FABP12: variants seen among roughly 807,000 people sequenced by gnomAD.
The protein encoded by FABP12 is fatty acid-binding protein 12.
FABP12 carries 19 observed loss-of-function variants against 13.7 expected under a neutral mutation model. The ratio of observed to expected loss-of-function variants is 1.39; its 90% CI spans 0.97 to 2.04. The LOEUF is 2.04. Ranked by LOEUF, FABP12 falls within the 30% of genes most tolerant of loss-of-function variation. The probability of loss-of-function intolerance (pLI) is 0.00; values close to 1 mark genes in which losing one functional copy is unlikely to be tolerated. For synonymous variants in FABP12, 61 were observed against 57.0 expected (o/e 1.07, Z -0.32); for missense variants, 182 against 164.2 (o/e 1.11, Z -0.59).
chr8:81,575,788 C>A (rs1480240964), intron 1 of FABP12, among the ~76,000 whole-genome samples: 1 of 152,102 alleles, frequency 6.6e-6, no homozygotes, highest in Admixed American at 6.6e-5. Flanking sequence ...CCTGTCAGAT[C>A]AGTGGCAGCA....
At chr8:81,534,109 A>ACTCT, upstream of FABP12, among the ~76,000 whole-genome samples, 1 of 151,798 alleles carries the variant, frequency 6.6e-6, no homozygotes, top group South Asian at 2.1e-4. Context: ...ACATACACAC[A>ACTCT]CTCTCTCTCT....
At chr8:81,571,555 G>A (rs922322930) in intron 1 of FABP12, among the ~76,000 whole-genome samples, 1 of 152,206 alleles carries the variant, frequency 6.6e-6, no homozygotes, top group Admixed American at 6.5e-5. Flanking sequence ...TTCAAATACC[G>A]TAACTTATTT....
Position 81,547,768 on chromosome 8 carries a change from A to G in FABP12, c.-184-8025T>C, listed in dbSNP as rs181268852. Among the ~76,000 whole-genome samples the G allele has an allele frequency of 2.6e-4, 40 of 152,350 alleles. No homozygotes were observed. The East Asian group carries it at 7.5e-3, about 29-fold the overall frequency. On this transcript the variant is annotated intron_variant, in intron 1 of 5. Coordinates refer to the FABP12 transcript ENST00000692030. Reference sequence around the variant, plus strand: ...TGCCAGTGTCAGAAATAGGATGAGAACACCAACTTTTGAAGGAAAGGGAGT... The same window carrying G: ...TGCCAGTGTCAGAAATAGGATGAGAGCACCAACTTTTGAAGGAAAGGGAGT...
intron 1 of FABP12, among the ~76,000 whole-genome samples, chr8:81,572,052 A>G (rs1296960303): frequency 6.6e-6 from 1 of 152,044 alleles, no homozygotes; most frequent in Non-Finnish European, 1.5e-5. Flanking sequence ...TGGTGCACCC[A>G]TCCCCCGAGC....
At chr8:81,560,145 TC>T (rs1809698068) in intron 1 of FABP12, among the ~76,000 whole-genome samples, 1 of 152,178 alleles carries the variant, frequency 6.6e-6, no homozygotes, top group South Asian at 2.1e-4. Flanking sequence ...TGCAATGGTC[TC>T]CAGGTACAAT....
intron 1 of FABP12, among the ~76,000 whole-genome samples, chr8:81,550,600 T>C (rs552278927): frequency 2.0e-3 from 309 of 152,274 alleles, no homozygotes; most frequent in Non-Finnish European, 3.3e-3. Context: ...AACACAGTCT[T>C]TCCACTCCTA....
intron 1 of FABP12, among the ~76,000 whole-genome samples, chr8:81,548,246 T>G (rs550153608): frequency 3.6e-4 from 55 of 152,336 alleles, no homozygotes; most frequent in African/African-American, 1.1e-3. Flanking sequence ...GATTCTAAAG[T>G]GAATCCAGGG....
chr8:81,532,492 C>A (rs934692403), intron 1 of FABP12, among the ~76,000 whole-genome samples: 1 of 152,168 alleles, frequency 6.6e-6, no homozygotes, highest in Non-Finnish European at 1.5e-5. Context: ...ATTTTGCATA[C>A]ACTACTGATT....
At chr8:81,550,789 A>G (rs1043114326) in intron 1 of FABP12, among the ~76,000 whole-genome samples, 18 of 152,312 alleles carry the variant, frequency 1.2e-4, no homozygotes, top group Middle Eastern at 3.4e-3. Flanking sequence ...CTACTCACAG[A>G]AAATTATAAA....
At chr8:81,550,117 AT>A (rs1809500677) in intron 1 of FABP12, among the ~76,000 whole-genome samples, 1 of 152,136 alleles carries the variant, frequency 6.6e-6, no homozygotes, top group South Asian at 2.1e-4. Flanking sequence ...ATGCTACTCC[AT>A]TCATTCATAT....
intron 1 of FABP12, among the ~76,000 whole-genome samples, chr8:81,540,521 G>A (rs943000178): frequency 6.6e-6 from 1 of 152,140 alleles, no homozygotes; most frequent in African/African-American, 2.4e-5. Flanking sequence ...GATATATGAA[G>A]ACAAAATTGA....
At chr8:81,526,389 A>G (rs1386266838) in intron 4 of FABP12, 1 of 152,172 alleles carries the variant, frequency 6.6e-6, no homozygotes, top group Non-Finnish European at 1.5e-5. Flanking sequence ...TAAAATATAG[A>G]GTGTTCAATG....
chr8:81,527,974 A>G (rs759977155), intron 3 of FABP12, among the ~76,000 whole-genome samples: 5 of 152,092 alleles, frequency 3.3e-5, no homozygotes, highest in Non-Finnish European at 7.3e-5. Flanking sequence ...TAATAATAAT[A>G]ATAATACATG....
chr8:81,555,801 T>A (rs534001450), intron 1 of FABP12, among the ~76,000 whole-genome samples: 1 of 152,180 alleles, frequency 6.6e-6, no homozygotes, highest in Non-Finnish European at 1.5e-5. Context: ...ATTAAAAGTA[T>A]TCAGGAAAAT....
At chr8:81,538,605 A>C (rs1272952814), upstream of FABP12, among the ~76,000 whole-genome samples, 1 of 152,182 alleles carries the variant, frequency 6.6e-6, no homozygotes, top group East Asian at 1.9e-4. Flanking sequence ...ATGGATTGTC[A>C]GCAGCCACCA....
intron 1 of FABP12, among the ~76,000 whole-genome samples, chr8:81,553,953 G>A (rs903265906): frequency 2.0e-5 from 3 of 152,104 alleles, no homozygotes; most frequent in Admixed American, 6.6e-5. Context: ...GATGCAGCAC[G>A]CAGAGAATCT....
At chr8:81,557,352 T>C (rs149500614) in intron 1 of FABP12, among the ~76,000 whole-genome samples, 27 of 152,350 alleles carry the variant, frequency 1.8e-4, no homozygotes, top group African/African-American at 6.0e-4. Context: ...TTTAAGACAG[T>C]TGGCATTTTC....
chr8:81,534,222 G>A (rs1809165840), upstream of FABP12, among the ~76,000 whole-genome samples: 1 of 152,032 alleles, frequency 6.6e-6, no homozygotes, highest in Admixed American at 6.6e-5. Flanking sequence ...AAGCATCAGG[G>A]CAGCTCATAT....
chr8:81,583,832 CTCATT>C (rs1810203898), intron 1 of FABP12, among the ~76,000 whole-genome samples: 1 of 152,122 alleles, frequency 6.6e-6, no homozygotes, highest in Non-Finnish European at 1.5e-5. Flanking sequence ...TGCTCCCTGA[CTCATT>C]ATATAAGGCC....
Sources: gnomAD v4.1 joint callset for allele counts (sites outside exome capture counted in the v4.1 genomes callset) on GRCh38, gnomAD v4.1.1 for gene constraint, MANE v1.5 for transcripts, NCBI Gene and HGNC (gene_info 2026-07-23, HGNC 2026-07-21) for gene names.